Variants in SETBP1 observed in about 807,000 individuals in gnomAD.
SETBP1 encodes SET binding protein 1.
SETBP1 carries 9 observed loss-of-function variants against 101.0 expected under a neutral mutation model. The observed-to-expected ratio is 0.09, with a 90% confidence interval of 0.05 to 0.16. SETBP1 has a LOEUF of 0.16. Among genes scored for constraint, SETBP1 ranks in the 10% least tolerant of loss-of-function variants. SETBP1 has a pLI of 1.00. For missense variants in SETBP1, 1,858 were observed against 2,033.8 expected (o/e 0.91, Z 1.66); for synonymous variants, 818 against 788.5 (o/e 1.04, Z -0.63).
chr18:44,734,562 C>T (rs2069920991), intron 2 of SETBP1, among the ~76,000 whole-genome samples: 1 of 152,200 alleles, frequency 6.6e-6, no homozygotes, highest in Non-Finnish European at 1.5e-5. Context: ...TCCCTGACCA[C>T]ACTTCCAATT....
At chr18:45,013,609 T>G (rs2072884661) in intron 4 of SETBP1, among the ~76,000 whole-genome samples, 1 of 152,000 alleles carries the variant, frequency 6.6e-6, no homozygotes, top group Non-Finnish European at 1.5e-5. Flanking sequence ...CCGACTAACT[T>G]TTGTATTTTT....
intron 2 of SETBP1, among the ~76,000 whole-genome samples, chr18:44,860,609 T>C (rs937641132): frequency 2.0e-5 from 3 of 152,108 alleles, no homozygotes; most frequent in Admixed American, 6.5e-5. Flanking sequence ...TAGCCAGGCA[T>C]GTTGGCGCGT....
chr18:44,866,372 T>C (rs1490643466), intron 2 of SETBP1, among the ~76,000 whole-genome samples: 2 of 152,242 alleles, frequency 1.3e-5, no homozygotes, highest in Non-Finnish European at 2.9e-5. Flanking sequence ...CTCAGCAATT[T>C]AGGTATTCTG....
At chr18:45,030,415 G>C (rs2073268513) in intron 4 of SETBP1, among the ~76,000 whole-genome samples, 1 of 130,252 alleles carries the variant, frequency 7.7e-6, no homozygotes, top group South Asian at 2.7e-4. Flanking sequence ...CGGTTTGCCA[G>C]TATTTTATTG....
chr18:44,913,902 T>G (rs1448458678), intron 3 of SETBP1, among the ~76,000 whole-genome samples: 1 of 152,206 alleles, frequency 6.6e-6, no homozygotes, highest in Non-Finnish European at 1.5e-5. Context: ...ATTTTTTGTT[T>G]TCACTATCCC....
At chr18:44,905,547 G>T (rs1358801667) in intron 3 of SETBP1, among the ~76,000 whole-genome samples, 1 of 150,898 alleles carries the variant, frequency 6.6e-6, no homozygotes, top group Non-Finnish European at 1.5e-5. Flanking sequence ...GGTGCTAAGA[G>T]AATTTCCTGA....
chr18:45,063,801 C>A lies in SETBP1; in HGVS notation c.*103C>A. The A allele has an allele frequency of 7.5e-7, 1 of 1,337,462 alleles. No individual in the cohort carries two copies. The allele number at this position is 1,337,462 out of a possible 1,614,324, so 82.8% of individuals were successfully genotyped here. A position where few individuals can be genotyped will look rare whatever the true frequency, so the allele number is the denominator to read the frequency against. On this transcript the variant is annotated 3_prime_UTR_variant, in exon 6 of 6. Transcript: ENST00000649279. ...TCCCCCGCTGCAGGGACACCCACGC[C>A]CTTCTCTCCAGAAGCCGGGCAGGCA...
intron 1 of SETBP1, among the ~76,000 whole-genome samples, chr18:44,692,668 C>T (rs1267824600): frequency 5.9e-5 from 9 of 152,060 alleles, no homozygotes; most frequent in East Asian, 3.9e-4. Flanking sequence ...CAAGACCGTG[C>T]GTGTGTGTGT....
intron 3 of SETBP1, among the ~76,000 whole-genome samples, chr18:44,892,154 A>G (rs2069786337): frequency 6.6e-6 from 1 of 152,164 alleles, no homozygotes; most frequent in African/African-American, 2.4e-5. Context: ...TGGAGCCTAA[A>G]TTATCTCCAA....
intron 4 of SETBP1, among the ~76,000 whole-genome samples, chr18:44,982,021 C>A (rs918567474): frequency 6.6e-6 from 1 of 152,048 alleles, no homozygotes; most frequent in Non-Finnish European, 1.5e-5. Context: ...TTGTAGGAAG[C>A]ATAAAAAAAC....
At chr18:44,718,298 T>G in intron 2 of SETBP1, among the ~76,000 whole-genome samples, 1 of 152,322 alleles carries the variant, frequency 6.6e-6, no homozygotes, top group Middle Eastern at 3.4e-3. Context: ...TGCTCAGCCC[T>G]GCCAGCTGAT....
chr18:44,726,551 T>C (rs1394061529), intron 2 of SETBP1, among the ~76,000 whole-genome samples: 1 of 152,144 alleles, frequency 6.6e-6, no homozygotes, highest in Non-Finnish European at 1.5e-5. Context: ...GTGTTTGAAG[T>C]CCAGTTAGTC....
intron 4 of SETBP1, among the ~76,000 whole-genome samples, chr18:45,013,714 A>G (rs1366674569): frequency 2.0e-5 from 3 of 152,166 alleles, no homozygotes; most frequent in Non-Finnish European, 4.4e-5. Context: ...CTGGGATTAC[A>G]GGCATAAGCC....
intron 3 of SETBP1, among the ~76,000 whole-genome samples, chr18:44,912,155 G>A (rs991915165): frequency 1.3e-5 from 2 of 152,024 alleles, no homozygotes; most frequent in Non-Finnish European, 2.9e-5. Context: ...AGATGATCTA[G>A]TCTTTTTCTA....
At chr18:44,877,077 A>G in intron 3 of SETBP1, 1 of 1,040,978 alleles carries the variant, frequency 9.6e-7, no homozygotes, top group Non-Finnish European at 1.2e-6. Context: ...CCTTTTTTCT[A>G]GCTTGCCTTG....
At chr18:44,805,211 A>G (rs529701997) in intron 2 of SETBP1, among the ~76,000 whole-genome samples, 1 of 152,182 alleles carries the variant, frequency 6.6e-6, no homozygotes, top group African/African-American at 2.4e-5. Context: ...GACTTTAAAG[A>G]TGAGAAACCG....
At chr18:44,693,577 G>A (rs984149299) in intron 1 of SETBP1, among the ~76,000 whole-genome samples, 5 of 152,080 alleles carry the variant, frequency 3.3e-5, no homozygotes, top group Admixed American at 3.3e-4. Flanking sequence ...GAAGTCACTT[G>A]TGACTCCCCA....
rs4890494 is a variant in SETBP1, at chr18:44,953,675, G to T, written c.4000+335G>T. Among the ~76,000 whole-genome samples the T allele has an allele frequency of 1.9e-3, 283 of 152,266 alleles. 1 individual carries two copies. Among genetic ancestry groups the T allele is most frequent in the Middle Eastern group, 0.017 (5 of 294 alleles). On this transcript the variant is annotated intron_variant, in intron 4 of 5. Transcript: ENST00000649279. ...ATCTGATCTAATGGTACAGTTTGCT[G>T]TTTGGATACAGCCTCTAAAACTCAT...
Position 44,950,030 on chromosome 18 carries a change from C to G in SETBP1, c.690C>G (p.Pro230=). 4 of 1,614,178 alleles carry G rather than the reference C, an allele frequency of 2.5e-6. No individual in the cohort carries two copies. The highest frequency in any genetic ancestry group is 3.4e-6 in the Non-Finnish European group (4 of 1,180,008). The change falls in exon 4 of 6, where the codon CCC becomes CCG. Residue 230 remains proline, a synonymous_variant. Coordinates refer to ENST00000649279, the MANE Select transcript of SETBP1 (RefSeq NM_015559.3). ...MDWSTNSDSG[P]VTQNCFISPE... Reference sequence around the variant, plus strand: ...GGTCCACCAACTCTGACAGCGGACCCGTCACTCAGAATTGCTTCATCAGTC... The same window carrying G: ...GGTCCACCAACTCTGACAGCGGACCGGTCACTCAGAATTGCTTCATCAGTC...
Sources: allele counts gnomAD v4.1 joint callset (sites outside exome capture counted in the v4.1 genomes callset), GRCh38; gene constraint gnomAD v4.1.1; transcripts MANE v1.5; gene names NCBI Gene and HGNC (gene_info 2026-07-23, HGNC 2026-07-21).